The following KIAA1549 variants were observed in gnomAD, a reference collection of about 807,000 sequenced individuals.
The protein encoded by KIAA1549 is UPF0606 protein KIAA1549.
KIAA1549 carries 70 observed loss-of-function variants against 156.4 expected under a neutral mutation model. That is an observed-to-expected ratio of 0.45 (90% CI 0.37 to 0.55). The LOEUF is 0.55. Among genes scored for constraint, KIAA1549 ranks in the 20% least tolerant of loss-of-function variants. The pLI is 0.00. For synonymous variants in KIAA1549, 1,103 were observed against 1,066.4 expected (o/e 1.03, Z -0.67); for missense variants, 2,428 against 2,540.9 (o/e 0.96, Z 0.96).
intron 12 of KIAA1549, among the ~76,000 whole-genome samples, chr7:138,874,023 ATAATTAG>A: frequency 6.7e-6 from 1 of 148,268 alleles, no homozygotes; most frequent in East Asian, 2.0e-4. Context: ...TATGTAATAT[ATAATTAG>A]TAATTAGTAA....
chr7:138,915,575 C>G (rs578117789), intron 2 of KIAA1549, among the ~76,000 whole-genome samples: 18 of 152,150 alleles, frequency 1.2e-4, no homozygotes, highest in Admixed American at 6.5e-5. Flanking sequence ...GGCACTGTCA[C>G]AGTGAGCAGA....
intron 1 of KIAA1549, among the ~76,000 whole-genome samples, chr7:138,971,687 C>G (rs1383466000): frequency 1.3e-5 from 2 of 152,192 alleles, no homozygotes; most frequent in African/African-American, 4.8e-5. Context: ...CGTCTTACAG[C>G]TGGACCTCAA....
At chr7:138,843,448 CT>C (rs1381404126) in intron 18 of KIAA1549, among the ~76,000 whole-genome samples, 1 of 152,030 alleles carries the variant, frequency 6.6e-6, no homozygotes, top group Non-Finnish European at 1.5e-5. Context: ...GTACTATTTT[CT>C]TTTTTTGAAA....
At chr7:138,882,659 C>T (rs938485195) in intron 10 of KIAA1549, among the ~76,000 whole-genome samples, 20 of 151,908 alleles carry the variant, frequency 1.3e-4, no homozygotes, top group African/African-American at 3.4e-4. Flanking sequence ...AAAAAGGAAA[C>T]AAGGAAGAAA....
At chr7:138,842,722 G>T (rs1180570672) in intron 18 of KIAA1549, among the ~76,000 whole-genome samples, 1 of 151,946 alleles carries the variant, frequency 6.6e-6, no homozygotes, top group African/African-American at 2.4e-5. Context: ...ACCTCAGAGG[G>T]TTATTTCAAG....
At chr7:138,890,333 A>C (rs754167110) in intron 10 of KIAA1549, among the ~76,000 whole-genome samples, 1 of 152,236 alleles carries the variant, frequency 6.6e-6, no homozygotes, top group Non-Finnish European at 1.5e-5. Flanking sequence ...ATGACAATAG[A>C]AACACAGAGC....
At chr7:138,924,955 C>G (rs1031463181) in intron 1 of KIAA1549, among the ~76,000 whole-genome samples, 2 of 152,156 alleles carry the variant, frequency 1.3e-5, no homozygotes, top group Non-Finnish European at 2.9e-5. Context: ...ACGCTGGACC[C>G]CGGACTCCTG....
chr7:138,920,550 CA>C (rs1812538722), intron 1 of KIAA1549, among the ~76,000 whole-genome samples: 1 of 152,342 alleles, frequency 6.6e-6, no homozygotes, highest in Admixed American at 6.5e-5. Flanking sequence ...ATCATCCATT[CA>C]AACTTTTGTA....
At chr7:138,891,438 G>GC (rs1269652796) in intron 10 of KIAA1549, among the ~76,000 whole-genome samples, 1 of 152,192 alleles carries the variant, frequency 6.6e-6, no homozygotes, top group African/African-American at 2.4e-5. Flanking sequence ...AGTTTTTTAG[G>GC]CAACAGTAAC....
intron 4 of KIAA1549, among the ~76,000 whole-genome samples, chr7:138,910,746 C>T (rs2130465119): frequency 7.7e-6 from 1 of 130,510 alleles, no homozygotes; most frequent in South Asian, 2.4e-4. Context: ...CATCATGCTG[C>T]CCTGGCTGGT....
chr7:138,942,979 A>G (rs1813228169), intron 1 of KIAA1549, among the ~76,000 whole-genome samples: 2 of 152,068 alleles, frequency 1.3e-5, no homozygotes, highest in South Asian at 4.1e-4. Flanking sequence ...ACAAAGGACC[A>G]AAGACCTCTC....
chr7:138,852,989 T>A (rs1238428643), intron 16 of KIAA1549, among the ~76,000 whole-genome samples: 1 of 152,260 alleles, frequency 6.6e-6, no homozygotes, highest in East Asian at 1.9e-4. Flanking sequence ...CCACATGATT[T>A]AAGGAAACAT....
intron 10 of KIAA1549, among the ~76,000 whole-genome samples, chr7:138,882,757 G>A (rs968215591): frequency 7.2e-5 from 11 of 152,102 alleles, no homozygotes; most frequent in Non-Finnish European, 1.3e-4. Context: ...GAAAGAAGTA[G>A]TCAAAAGAAG....
intron 17 of KIAA1549, 94 bp from the exon 18 acceptor site, chr7:138,844,568 T>A: frequency 1.7e-6 from 2 of 1,167,888 alleles, no homozygotes; most frequent in East Asian, 5.9e-5. Context: ...AAGGTAACAC[T>A]TATTTGTCTA....
chr7:138,866,992 G>A (rs774938811), intron 15 of KIAA1549, among the ~76,000 whole-genome samples: 75 of 151,576 alleles, frequency 4.9e-4, no homozygotes, highest in Non-Finnish European at 2.9e-4. Flanking sequence ...TTGGAGAGAC[G>A]GGGTTTCGCT....
intron 12 of KIAA1549, among the ~76,000 whole-genome samples, chr7:138,873,999 T>C (rs1006516380): frequency 6.7e-6 from 1 of 148,352 alleles, no homozygotes; most frequent in Non-Finnish European, 1.5e-5. Flanking sequence ...TATATTTTTG[T>C]TTATAGAACT....
chr7:138,837,816 T>C lies in KIAA1549; in HGVS notation c.*90A>G, dbSNP rs1278483590. ...GGGCAGGCTGCCCGAGAGTTGCTCC[T>C]TCCTCTTCCAAACACCCACTCAGTT... On this transcript the variant is annotated 3_prime_UTR_variant, in exon 20 of 20. Coordinates refer to ENST00000422774, the MANE Select transcript of KIAA1549 (RefSeq NM_001164665.2). 2 of 1,463,284 alleles carry C rather than the reference T, an allele frequency of 1.4e-6. No homozygotes were observed. The allele number at this position is 1,463,284 out of a possible 1,614,324, so 90.6% of individuals were successfully genotyped here. A position where few individuals can be genotyped will look rare whatever the true frequency, so the allele number is the denominator to read the frequency against.
intron 12 of KIAA1549, among the ~76,000 whole-genome samples, chr7:138,878,256 T>C (rs997913414): frequency 1.9e-4 from 29 of 151,458 alleles, no homozygotes; most frequent in African/African-American, 7.0e-4. Context: ...GCCACAAGCG[T>C]GTCAGTGAGA....
chr7:138,953,084 G>A lies in KIAA1549; in HGVS notation c.187+27999C>T, dbSNP rs1041380937. ...CTTAAAAGCAGCTGTAGCTGGGCAC[G>A]GTGGCTCATGCCTGTAATCCCAGCA... On this transcript the variant is annotated intron_variant, in intron 1 of 19. Transcript: ENST00000422774. 5.3e-5 allele frequency among the ~76,000 whole-genome samples: 8 copies of A among 152,318 alleles called. 1 individual carries two copies. In the South Asian group the frequency reaches 1.2e-3, roughly 24 times the overall value.
Sources: allele counts gnomAD v4.1 joint callset (sites outside exome capture counted in the v4.1 genomes callset), GRCh38; gene constraint gnomAD v4.1.1; transcripts MANE v1.5; gene names NCBI Gene and HGNC (gene_info 2026-07-23, HGNC 2026-07-21).